The following POPDC1 variants were observed in gnomAD, a reference collection of about 807,000 sequenced individuals.
The protein encoded by POPDC1 is popeye domain-containing protein 1.
At chr6:105,129,789 G>A in the POPDC1 span, among the ~76,000 whole-genome samples, 1 of 152,186 alleles carries the variant, frequency 6.6e-6, no homozygotes, top group Non-Finnish European at 1.5e-5. Flanking sequence ...GCAGGATATA[G>A]CAAAACACTG....
the POPDC1 span, among the ~76,000 whole-genome samples, chr6:105,102,248 C>A: frequency 1.1e-4 from 16 of 152,232 alleles, no homozygotes; most frequent in African/African-American, 3.6e-4. Context: ...ACAGCAAAAG[C>A]GAGTGGAGGA....
At chr6:105,121,268 CT>C in the POPDC1 span, among the ~76,000 whole-genome samples, 1,511 of 142,416 alleles carry the variant, frequency 0.011, 4 homozygotes, top group African/African-American at 0.015. Context: ...CTACTTTTAT[CT>C]TTTTTTTTTT....
chr6:105,117,226 C>T, the POPDC1 span, among the ~76,000 whole-genome samples: 2 of 152,100 alleles, frequency 1.3e-5, no homozygotes, highest in African/African-American at 2.4e-5. Context: ...ACACCCTGTA[C>T]ATTACAATGA....
chr6:105,121,972 T>C, the POPDC1 span, among the ~76,000 whole-genome samples: 1 of 152,292 alleles, frequency 6.6e-6, no homozygotes, highest in African/African-American at 2.4e-5. Flanking sequence ...AGAAGCCTGA[T>C]GGCTGATGAT....
At chr6:105,113,866 A>G in the POPDC1 span, among the ~76,000 whole-genome samples, 1 of 148,892 alleles carries the variant, frequency 6.7e-6, no homozygotes, top group Non-Finnish European at 1.5e-5. Flanking sequence ...CAGGAGTTTA[A>G]GGCTGCAGTG....
chr6:105,129,361 A>G, the POPDC1 span: 1 of 1,581,176 alleles, frequency 6.3e-7, no homozygotes. Context: ...TTCCTTATTA[A>G]TTAATTTTAA....
At chr6:105,097,505 C>A in the POPDC1 span, 1 of 152,302 alleles carries the variant, frequency 6.6e-6, no homozygotes. Flanking sequence ...GGAGCCACCA[C>A]ACGCAACAGC....
chr6:105,115,110 G>A, the POPDC1 span, among the ~76,000 whole-genome samples: 6 of 152,308 alleles, frequency 3.9e-5, no homozygotes, highest in South Asian at 4.1e-4. Flanking sequence ...TTTTTGAGAC[G>A]GAGTCTCGCT....
chr6:105,104,223 C>G, the POPDC1 span, among the ~76,000 whole-genome samples: 1 of 152,254 alleles, frequency 6.6e-6, no homozygotes, highest in Admixed American at 6.5e-5. Context: ...AGGATTCAAA[C>G]TCCACCTCCT....
At chr6:105,114,529 T>C in the POPDC1 span, among the ~76,000 whole-genome samples, 2 of 152,230 alleles carry the variant, frequency 1.3e-5, no homozygotes, top group Admixed American at 1.3e-4. Context: ...TGTGTTTGCA[T>C]TTTTTAAAAG....
the POPDC1 span, among the ~76,000 whole-genome samples, chr6:105,114,745 T>C: frequency 3.3e-5 from 5 of 152,234 alleles, no homozygotes; most frequent in Non-Finnish European, 7.3e-5. Flanking sequence ...TTGTGTTACT[T>C]AAAATGTTTT....
At chr6:105,121,562 C>A in the POPDC1 span, among the ~76,000 whole-genome samples, 2 of 152,144 alleles carry the variant, frequency 1.3e-5, no homozygotes, top group Non-Finnish European at 2.9e-5. Flanking sequence ...GCGGCCGCGC[C>A]TGGCCTACTT....
At chr6:105,098,881 T>C in the POPDC1 span, 1 of 152,302 alleles carries the variant, frequency 6.6e-6, no homozygotes, top group Admixed American at 6.5e-5. Context: ...CAGCCTTTTT[T>C]TGAAATAGGG....
chr6:105,113,371 C>CT, the POPDC1 span, among the ~76,000 whole-genome samples: 1 of 152,228 alleles, frequency 6.6e-6, no homozygotes, highest in African/African-American at 2.4e-5. Context: ...CTGTAGTAGA[C>CT]TGTGTTACAG....
the POPDC1 span, chr6:105,125,338 C>A: frequency 1.3e-6 from 2 of 1,575,396 alleles, no homozygotes; most frequent in African/African-American, 1.4e-5. Context: ...TTCCCAGAGG[C>A]CATGAAAAGA....
the POPDC1 span, among the ~76,000 whole-genome samples, chr6:105,102,507 T>C: frequency 2.0e-5 from 3 of 152,142 alleles, no homozygotes; most frequent in Non-Finnish European, 4.4e-5. Flanking sequence ...TGGCCCCTGG[T>C]ATGGCACAGG....
chr6:105,126,964 C>T, the POPDC1 span, among the ~76,000 whole-genome samples: 1 of 152,196 alleles, frequency 6.6e-6, no homozygotes, highest in African/African-American at 2.4e-5. Context: ...AACAAAATGG[C>T]TTAATCATTT....
chr6:105,131,349 G>C, the POPDC1 span, among the ~76,000 whole-genome samples: 1 of 152,126 alleles, frequency 6.6e-6, no homozygotes, highest in African/African-American at 2.4e-5. Flanking sequence ...AAAAACTGGA[G>C]GACCTGAATT....
the POPDC1 span, among the ~76,000 whole-genome samples, chr6:105,118,643 T>C: frequency 2.6e-5 from 4 of 152,340 alleles, no homozygotes; most frequent in Admixed American, 1.3e-4. Context: ...AGTAAGTGTT[T>C]TGACAACTAT....
Sources: allele counts gnomAD v4.1 joint callset (sites outside exome capture counted in the v4.1 genomes callset), GRCh38; gene constraint gnomAD v4.1.1; transcripts MANE v1.5; gene names NCBI Gene and HGNC (gene_info 2026-07-23, HGNC 2026-07-21).